Variants in GOLT1B observed in about 807,000 individuals in gnomAD.
GOLT1B encodes vesicle transport protein GOT1B.
A neutral mutation model predicts 15.4 loss-of-function variants in GOLT1B; 3 were observed. That is an observed-to-expected ratio of 0.19 (90% CI 0.09 to 0.50). The LOEUF is 0.50. Ranked by LOEUF, GOLT1B falls within the 20% of genes least tolerant of loss-of-function variation. GOLT1B has a pLI of 0.97. For missense variants in GOLT1B, 145 were observed against 160.4 expected (o/e 0.90, Z 0.52); for synonymous variants, 65 against 56.2 (o/e 1.16, Z -0.70).
intron 3 of GOLT1B, among the ~76,000 whole-genome samples, chr12:21,510,713 T>C (rs1216025270): frequency 6.6e-6 from 1 of 152,250 alleles, no homozygotes; most frequent in African/African-American, 2.4e-5. Context: ...TAGAAAATGA[T>C]TGTGATTTTC....
rs192780958 is a variant in GOLT1B at position 21,504,025 on chromosome 12, C to T, written c.25+2077C>T. Among the ~76,000 whole-genome samples the T allele has an allele frequency of 2.0e-5, 3 of 152,228 alleles. No individual in the cohort carries two copies. The East Asian group carries it at 5.8e-4, about 29-fold the overall frequency. On this transcript the variant is annotated intron_variant, in intron 1 of 4. Coordinates refer to ENST00000229314, the MANE Select transcript of GOLT1B (RefSeq NM_016072.5). Reference sequence around the variant, plus strand: ...GAATTCTTGCTTGACTTCTGTTTTTCAAAGGGTATGGTAAGAGAGACAATG... The same window carrying T: ...GAATTCTTGCTTGACTTCTGTTTTTTAAAGGGTATGGTAAGAGAGACAATG...
chr12:21,508,875 C>CGGTA (rs769486303), intron 3 of GOLT1B, among the ~76,000 whole-genome samples: 18,098 of 136,062 alleles, frequency 0.13, 1,384 homozygotes, highest in Admixed American at 0.22. Context: ...ATCGATCAAT[C>CGGTA]GGTAGGTAGG....
rs144014339 is a variant in GOLT1B, at chr12:21,515,094, T to C, written c.379-575T>C. The C allele has an allele frequency of 2.0e-4, 94 of 466,808 alleles. No homozygotes were observed. The East Asian group carries it at 2.9e-3, about 14-fold the overall frequency. The allele number at this position is 466,808 out of a possible 1,614,324, so 28.9% of individuals were successfully genotyped here. On this transcript the variant is annotated intron_variant, in intron 4 of 4. Transcript: ENST00000229314. The stretch of plus-strand genomic sequence containing the variant: ...TGTTAAAATTTATATTCAATAATTA[T>C]AAATTTATGCTTACATCATTAAATC...
At chr12:21,509,063 G>A (rs1415176777) in intron 3 of GOLT1B, among the ~76,000 whole-genome samples, 1 of 152,102 alleles carries the variant, frequency 6.6e-6, no homozygotes, top group Non-Finnish European at 1.5e-5. Flanking sequence ...TTTTGTAAAT[G>A]CCAGTTAGCA....
chr12:21,515,324 G>GTT, intron 4 of GOLT1B: 1 of 844,180 alleles, frequency 1.2e-6, no homozygotes, highest in Admixed American at 2.5e-5. Flanking sequence ...TGACATTTCA[G>GTT]TTTTTTTTAT....
intron 3 of GOLT1B, among the ~76,000 whole-genome samples, chr12:21,509,697 A>T (rs1943706212): frequency 6.6e-6 from 1 of 152,198 alleles, no homozygotes; most frequent in South Asian, 2.1e-4. Flanking sequence ...GAGAGGTGAG[A>T]AATGTTAACT....
At chr12:21,510,319 A>G (rs1943710620) in intron 3 of GOLT1B, among the ~76,000 whole-genome samples, 2 of 152,236 alleles carry the variant, frequency 1.3e-5, no homozygotes, top group African/African-American at 2.4e-5. Context: ...TGGCAGATGT[A>G]TCTTGCAGCA....
At chr12:21,505,895 A>G (rs565137145) in intron 1 of GOLT1B, among the ~76,000 whole-genome samples, 1 of 152,250 alleles carries the variant, frequency 6.6e-6, no homozygotes, top group South Asian at 2.1e-4. Context: ...AACTTAGTGA[A>G]TTGTGCTTTA....
At position 21,516,793 on chromosome 12, in the gene GOLT1B, A is replaced by G. The variant is rs1943759117; in HGVS notation, c.*1086A>G. 6.6e-6 allele frequency: 1 copy of G among 152,124 alleles called. No individual in the cohort carries two copies. The highest frequency in any genetic ancestry group is 1.5e-5 in the Non-Finnish European group (1 of 67,936). The allele number at this position is 152,124 out of a possible 1,614,324, so 9.4% of individuals were successfully genotyped here. A position where few individuals can be genotyped will look rare whatever the true frequency, so the allele number is the denominator to read the frequency against. On this transcript the variant is annotated 3_prime_UTR_variant, in exon 5 of 5. Coordinates refer to ENST00000229314, the MANE Select transcript of GOLT1B (RefSeq NM_016072.5). ...TCCTAGCATATAATAGTCATTAAGC[A>G]TGACATATCCTTCATATGATCACTC...
In GOLT1B at chr12:21,501,935, A is replaced by G. The variant is rs762745816; in HGVS notation, c.12A>G (p.Leu4=). The part of the protein sequence containing the change: MIS[L]TDTQKIGMGL... Reference sequence around the variant, plus strand: ...CCACCACTGCAGCCATGATCTCCTTAACGGACACGCAGAGTAAGCACCTGC... The same window carrying G: ...CCACCACTGCAGCCATGATCTCCTTGACGGACACGCAGAGTAAGCACCTGC... Residue 4 remains leucine (L), a synonymous_variant, in exon 1 of 5, where the codon TTA becomes TTG. Transcript: ENST00000229314. The G allele has an allele frequency of 6.2e-7, 1 of 1,609,314 alleles. No individual in the cohort carries two copies. The highest frequency in any genetic ancestry group is 8.5e-7 in the Non-Finnish European group (1 of 1,175,820).
chr12:21,506,864 A>T lies in GOLT1B; in HGVS notation c.26-21A>T, dbSNP rs189994684. ...TGACTTTAATTTTTCTCTACCCTTAACCATATACCTTATATTGCAGAAATT... is the reference window on the plus strand; with the variant it reads ...TGACTTTAATTTTTCTCTACCCTTATCCATATACCTTATATTGCAGAAATT... On this transcript the variant is annotated intron_variant, in intron 1 of 4. Transcript: ENST00000229314. The T allele has an allele frequency of 3.5e-3, 3,586 of 1,036,166 alleles. 8 individuals are homozygous for T. Among genetic ancestry groups the T allele is most frequent in the Non-Finnish European group, 4.7e-3 (3,159 of 667,778 alleles). The allele number at this position is 1,036,166 out of a possible 1,614,324, so 64.2% of individuals were successfully genotyped here. A position where few individuals can be genotyped will look rare whatever the true frequency, so the allele number is the denominator to read the frequency against.
intron 4 of GOLT1B, chr12:21,515,165 C>A: frequency 5.4e-6 from 4 of 737,630 alleles, no homozygotes; most frequent in Admixed American, 4.3e-5. Context: ...CCAGAATACA[C>A]ATTTAAAGTA....
intron 4 of GOLT1B, among the ~76,000 whole-genome samples, chr12:21,513,806 G>A (rs893471390): frequency 2.0e-5 from 3 of 152,140 alleles, no homozygotes; most frequent in South Asian, 4.1e-4. Flanking sequence ...AAACAAAAAA[G>A]AAAAAAGAGA....
At chr12:21,513,637 A>G (rs1220219772) in intron 4 of GOLT1B, among the ~76,000 whole-genome samples, 2 of 152,022 alleles carry the variant, frequency 1.3e-5, no homozygotes, top group Admixed American at 1.3e-4. Context: ...ATTGTCAAAA[A>G]AAAAAGGCTT....
chr12:21,512,065 C>G (rs1163771180), intron 3 of GOLT1B, among the ~76,000 whole-genome samples: 2 of 152,178 alleles, frequency 1.3e-5, no homozygotes, highest in African/African-American at 4.8e-5. Context: ...GAGAAATCTT[C>G]AGCAGTTGAG....
intron 3 of GOLT1B, among the ~76,000 whole-genome samples, chr12:21,511,601 T>C (rs938227317): frequency 6.6e-6 from 1 of 152,190 alleles, no homozygotes; most frequent in African/African-American, 2.4e-5. Flanking sequence ...CTGCCAACCA[T>C]TGATGATAAC....
chr12:21,515,529 T>C (rs1943749535), intron 4 of GOLT1B, 140 bp from the exon 5 acceptor site: 1 of 645,178 alleles, frequency 1.5e-6, no homozygotes, highest in Non-Finnish European at 2.7e-6. Flanking sequence ...AGTACTGGAT[T>C]AGTCATTGTC....
intron 3 of GOLT1B, among the ~76,000 whole-genome samples, chr12:21,509,765 G>A (rs1292506848): frequency 6.6e-6 from 1 of 152,134 alleles, no homozygotes; most frequent in Non-Finnish European, 1.5e-5. Flanking sequence ...GAAAGGGAAC[G>A]ACAGTTAACA....
At position 21,506,979 on chromosome 12, in the gene GOLT1B, G is replaced by T; in HGVS notation, c.117+3G>T. The T allele has an allele frequency of 1.7e-6, 2 of 1,183,358 alleles. No individual in the cohort carries two copies. The highest frequency in any genetic ancestry group is 1.3e-5 in the South Asian group (1 of 77,076). The allele number at this position is 1,183,358 out of a possible 1,614,324, so 73.3% of individuals were successfully genotyped here. A position where few individuals can be genotyped will look rare whatever the true frequency, so the allele number is the denominator to read the frequency against. On this transcript the variant is annotated splice_donor_region_variant and intron_variant, in intron 2 of 4. Coordinates refer to ENST00000229314, the MANE Select transcript of GOLT1B (RefSeq NM_016072.5). ...AAGCACTACTGGCTATTGGAAATGT[G>T]AGTTTTTAAATATATATTTTAACTA... is the stretch of plus-strand genomic sequence containing the variant.
Sources: allele counts gnomAD v4.1 joint callset (sites outside exome capture counted in the v4.1 genomes callset), GRCh38; gene constraint gnomAD v4.1.1; transcripts MANE v1.5; gene names NCBI Gene and HGNC (gene_info 2026-07-23, HGNC 2026-07-21).